Variants in ERBB4 observed in about 807,000 individuals in gnomAD.
ERBB4 encodes receptor tyrosine-protein kinase erbB-4.
In ERBB4, 42 loss-of-function variants were observed where a neutral mutation model predicts 158.0. The ratio of observed to expected loss-of-function variants is 0.27; its 90% CI spans 0.21 to 0.34. ERBB4 has a LOEUF of 0.34. Ranked by LOEUF, ERBB4 falls within the 10% of genes least tolerant of loss-of-function variation. ERBB4 has a pLI of 1.00. For missense variants in ERBB4, 1,333 were observed against 1,624.1 expected (o/e 0.82, Z 3.08); for synonymous variants, 583 against 558.7 (o/e 1.04, Z -0.61).
intron 1 of ERBB4, among the ~76,000 whole-genome samples, chr2:212,438,132 C>T (rs1303399647): frequency 1.3e-5 from 2 of 151,878 alleles, no homozygotes; most frequent in African/African-American, 4.8e-5. Context: ...ATTCAGATAA[C>T]ATCTACCAGG....
chr2:211,918,002 C>T (rs1315967853), intron 3 of ERBB4, among the ~76,000 whole-genome samples: 3 of 152,116 alleles, frequency 2.0e-5, no homozygotes, highest in Non-Finnish European at 4.4e-5. Context: ...GGAGAGAAAA[C>T]ATGAAATATG....
intron 1 of ERBB4, among the ~76,000 whole-genome samples, chr2:212,183,217 A>G (rs1431757002): frequency 6.6e-6 from 1 of 151,956 alleles, no homozygotes; most frequent in African/African-American, 2.4e-5. Flanking sequence ...GAAGTACCAT[A>G]GACACTTGAG....
At chr2:211,926,481 T>A (rs1475749501) in intron 3 of ERBB4, among the ~76,000 whole-genome samples, 1 of 152,164 alleles carries the variant, frequency 6.6e-6, no homozygotes. Context: ...GATGGAATTT[T>A]ATAGACAGCA....
chr2:211,634,830 A>G (rs1000532067), intron 16 of ERBB4, among the ~76,000 whole-genome samples: 5 of 152,262 alleles, frequency 3.3e-5, no homozygotes, highest in Non-Finnish European at 7.4e-5. Context: ...GGTGACTGCC[A>G]CCATGCCCAA....
At chr2:212,483,036 CAGAT>C (rs142823036) in intron 1 of ERBB4, among the ~76,000 whole-genome samples, 2,577 of 152,296 alleles carry the variant, frequency 0.017, 79 homozygotes, top group African/African-American at 0.059. Flanking sequence ...GCCTTGTGAG[CAGAT>C]AGATAGAACA....
At chr2:211,782,122 C>T (rs2076051978) in intron 4 of ERBB4, among the ~76,000 whole-genome samples, 1 of 152,212 alleles carries the variant, frequency 6.6e-6, no homozygotes, top group South Asian at 2.1e-4. Flanking sequence ...TTTCTCCACT[C>T]TGACTCCATA....
chr2:211,401,794 G>A (rs1346621922), intron 25 of ERBB4, among the ~76,000 whole-genome samples: 1 of 151,724 alleles, frequency 6.6e-6, no homozygotes, highest in African/African-American at 2.4e-5. Flanking sequence ...ATCTGGAGTT[G>A]GGAAAAATAA....
chr2:212,461,517 C>T (rs1688573939), intron 1 of ERBB4, among the ~76,000 whole-genome samples: 1 of 152,176 alleles, frequency 6.6e-6, no homozygotes, highest in African/African-American at 2.4e-5. Context: ...TGTACCCCCA[C>T]TCTATTTAGG....
At chr2:212,361,812 G>A (rs79442449) in intron 1 of ERBB4, among the ~76,000 whole-genome samples, 2,337 of 151,714 alleles carry the variant, frequency 0.015, 53 homozygotes, top group African/African-American at 0.053. Flanking sequence ...CTGGCATGTG[G>A]TTGTCACATT....
intron 2 of ERBB4, among the ~76,000 whole-genome samples, chr2:212,093,980 T>A (rs1239363076): frequency 2.0e-5 from 3 of 151,762 alleles, no homozygotes; most frequent in Admixed American, 2.0e-4. Context: ...AATAAATAAA[T>A]AAAAGAAATA....
chr2:212,184,191 G>A lies in ERBB4; in HGVS notation c.83-59288C>T, dbSNP rs2081950654. Among the ~76,000 whole-genome samples, 4 of 151,890 alleles carry A rather than the reference G, an allele frequency of 2.6e-5. No homozygotes were observed. The South Asian group carries it at 8.3e-4, about 32-fold the overall frequency. On this transcript the variant is annotated intron_variant, in intron 1 of 27. Transcript: ENST00000342788. The stretch of plus-strand genomic sequence containing the variant: ...CTTGGTGTTCTCTGCTGTAGCCTGG[G>A]GCTAATTCCCATTTTCAAAACTTTG...
At chr2:211,458,411 C>A (rs1448975251) in intron 20 of ERBB4, among the ~76,000 whole-genome samples, 4 of 152,042 alleles carry the variant, frequency 2.6e-5, no homozygotes, top group African/African-American at 9.7e-5. Context: ...GGATTACAGG[C>A]ACGTGCCATC....
rs185659549 is a variant in ERBB4 at position 211,392,387 on chromosome 2, C to T, written c.3136-4395G>A. Among the ~76,000 whole-genome samples the T allele has an allele frequency of 4.6e-5, 7 of 152,130 alleles. No individual in the cohort carries two copies. In the East Asian group the frequency reaches 1.2e-3, roughly 25 times the overall value. ...CAGAATGTGTCCATATGTGCCAAAC[C>T]CAATAATGGCTGGGAAAAGCCTACT... On this transcript the variant is annotated intron_variant, in intron 25 of 27. Transcript: ENST00000342788.
At chr2:211,740,177 AT>A (rs758059444) in intron 5 of ERBB4, among the ~76,000 whole-genome samples, 3 of 152,216 alleles carry the variant, frequency 2.0e-5, no homozygotes, top group Non-Finnish European at 4.4e-5. Context: ...TTCCGTGGTC[AT>A]AATGCTCTAT....
At chr2:211,454,315 G>A (rs1173594814) in intron 20 of ERBB4, among the ~76,000 whole-genome samples, 2 of 152,268 alleles carry the variant, frequency 1.3e-5, no homozygotes, top group Non-Finnish European at 2.9e-5. Flanking sequence ...TAATCCTTAA[G>A]AGCTTATAAA....
chr2:212,027,273 C>T (rs1397355699), intron 2 of ERBB4, among the ~76,000 whole-genome samples: 6 of 151,888 alleles, frequency 4.0e-5, no homozygotes, highest in African/African-American at 7.2e-5. Flanking sequence ...ATATAATGTT[C>T]GTGAGAAATT....
intron 25 of ERBB4, among the ~76,000 whole-genome samples, chr2:211,398,006 A>G (rs114707245): frequency 2.5e-3 from 380 of 152,278 alleles, no homozygotes; most frequent in Non-Finnish European, 4.0e-3. Flanking sequence ...ATACCCATAT[A>G]ACTAACAGCT....
chr2:212,341,715 T>C (rs1454727009), intron 1 of ERBB4, among the ~76,000 whole-genome samples: 1 of 152,154 alleles, frequency 6.6e-6, no homozygotes, highest in Non-Finnish European at 1.5e-5. Context: ...TCAAATTATA[T>C]TGTAGAACAT....
Position 212,018,945 on chromosome 2 carries a change from C to T in ERBB4, c.235-71329G>A, listed in dbSNP as rs1418980635. Among the ~76,000 whole-genome samples, 7 of 152,176 alleles carry T rather than the reference C, an allele frequency of 4.6e-5. No homozygotes were observed. The East Asian group carries it at 9.7e-4, about 21-fold the overall frequency. On this transcript the variant is annotated intron_variant, in intron 2 of 27. Coordinates refer to ENST00000342788, the MANE Select transcript of ERBB4 (RefSeq NM_005235.3). ...GTTCAAGACCCAATAACTGGCGAAT[C>T]ATTACATTAAAAAGTGAGGGGGAGC... is the stretch of plus-strand genomic sequence containing the variant.
Sources: allele counts gnomAD v4.1 joint callset (sites outside exome capture counted in the v4.1 genomes callset), GRCh38; gene constraint gnomAD v4.1.1; transcripts MANE v1.5; gene names NCBI Gene and HGNC (gene_info 2026-07-23, HGNC 2026-07-21).